The following AMPH variants were observed in gnomAD, a reference collection of about 807,000 sequenced individuals.
AMPH encodes amphiphysin.
In AMPH, 49 loss-of-function variants were observed where a neutral mutation model predicts 99.1. That is an observed-to-expected ratio of 0.49 (90% CI 0.39 to 0.63). The LOEUF is 0.63. Ranked by LOEUF, AMPH falls within the 20% of genes least tolerant of loss-of-function variation. The pLI is 0.00. For missense variants in AMPH, 759 were observed against 863.4 expected (o/e 0.88, Z 1.52); for synonymous variants, 314 against 317.3 (o/e 0.99, Z 0.11).
intron 5 of AMPH, among the ~76,000 whole-genome samples, chr7:38,489,955 C>A: frequency 6.6e-6 from 1 of 151,738 alleles, no homozygotes; most frequent in African/African-American, 2.4e-5. Context: ...ATGTTCTTAC[C>A]GCAATAAAGT....
intron 1 of AMPH, among the ~76,000 whole-genome samples, chr7:38,584,605 C>T (rs1017459299): frequency 5.3e-5 from 8 of 152,206 alleles, no homozygotes; most frequent in Admixed American, 2.6e-4. Flanking sequence ...TGGTAGGTCA[C>T]TCTTGGCATA....
At chr7:38,566,142 C>A (rs774702980) in intron 1 of AMPH, among the ~76,000 whole-genome samples, 4 of 151,876 alleles carry the variant, frequency 2.6e-5, no homozygotes, top group African/African-American at 4.8e-5. Context: ...GTAGTATTTT[C>A]TACCTATTTA....
intron 1 of AMPH, among the ~76,000 whole-genome samples, chr7:38,620,099 T>C (rs1002924497): frequency 6.6e-6 from 1 of 151,996 alleles, no homozygotes; most frequent in Non-Finnish European, 1.5e-5. Flanking sequence ...TTGTCTGCTA[T>C]GAAAGATTCT....
chr7:38,497,524 T>C (rs1333309636), intron 3 of AMPH, among the ~76,000 whole-genome samples: 4 of 152,232 alleles, frequency 2.6e-5, no homozygotes, highest in Non-Finnish European at 4.4e-5. Flanking sequence ...TTTTCATCCT[T>C]TAAGACTTGT....
chr7:38,418,045 T>A, intron 16 of AMPH, 95 bp from the exon 17 acceptor site: 1 of 1,390,248 alleles, frequency 7.2e-7, no homozygotes, highest in Non-Finnish European at 9.7e-7. Context: ...TTCTTTGTCA[T>A]CCCATAGGCA....
intron 2 of AMPH, among the ~76,000 whole-genome samples, chr7:38,523,374 G>A (rs1049304066): frequency 6.6e-6 from 1 of 152,094 alleles, no homozygotes; most frequent in Non-Finnish European, 1.5e-5. Context: ...AAAGAAACCA[G>A]GATTTCTTGG....
chr7:38,486,540 T>A (rs981080269), intron 5 of AMPH, among the ~76,000 whole-genome samples: 4 of 152,056 alleles, frequency 2.6e-5, no homozygotes, highest in African/African-American at 9.7e-5. Context: ...CTTCTCAAGC[T>A]CTTCCAAAAA....
intron 1 of AMPH, among the ~76,000 whole-genome samples, chr7:38,612,747 C>T (rs1355866808): frequency 6.6e-6 from 1 of 152,146 alleles, no homozygotes; most frequent in African/African-American, 2.4e-5. Flanking sequence ...AGTTCTGGGA[C>T]ACCTCTTTAG....
intron 1 of AMPH, among the ~76,000 whole-genome samples, chr7:38,543,254 C>G (rs1381819033): frequency 6.6e-6 from 1 of 151,904 alleles, no homozygotes; most frequent in Non-Finnish European, 1.5e-5. Context: ...AAGACCCTAT[C>G]TCAAAAAAAT....
In AMPH at chr7:38,421,030, C is replaced by A. The variant is rs1487627099; in HGVS notation, c.1272+1391G>T. 2.8e-5 allele frequency: 13 copies of A among 456,660 alleles called. No individual in the cohort carries two copies. In the East Asian group the frequency reaches 9.0e-4, roughly 32 times the overall value. 28.3% of individuals were successfully genotyped at this position (456,660 alleles called of 1,614,324 possible). A position where few individuals can be genotyped will look rare whatever the true frequency, so the allele number is the denominator to read the frequency against. ...CACTGTGATTTCCTAGATCAGAGGG[C>A]AGGACCAAGGTTAGCAGCATTTGCA... On this transcript the variant is annotated intron_variant, in intron 16 of 20. Transcript: ENST00000356264.
At chr7:38,629,892 A>C (rs1794396469) in intron 1 of AMPH, among the ~76,000 whole-genome samples, 1 of 152,204 alleles carries the variant, frequency 6.6e-6, no homozygotes, top group Non-Finnish European at 1.5e-5. Context: ...ACTTTAGTTC[A>C]GGATGAGCTT....
At chr7:38,622,633 A>G (rs1390708699) in intron 1 of AMPH, among the ~76,000 whole-genome samples, 1 of 152,204 alleles carries the variant, frequency 6.6e-6, no homozygotes, top group African/African-American at 2.4e-5. Context: ...AAAGTGGAAG[A>G]GTAGAGTGGA....
At chr7:38,472,802 T>C (rs1347586074) in intron 7 of AMPH, among the ~76,000 whole-genome samples, 1 of 152,226 alleles carries the variant, frequency 6.6e-6, no homozygotes, top group Non-Finnish European at 1.5e-5. Context: ...GAAACATTTA[T>C]ACTGCGTATG....
At chr7:38,419,912 G>A (rs1785522926) in intron 16 of AMPH, among the ~76,000 whole-genome samples, 1 of 152,168 alleles carries the variant, frequency 6.6e-6, no homozygotes. Context: ...TTGCACCAGA[G>A]TCTGGGTTTC....
intron 7 of AMPH, among the ~76,000 whole-genome samples, chr7:38,472,242 A>T (rs1353828721): frequency 2.0e-5 from 3 of 152,176 alleles, no homozygotes; most frequent in African/African-American, 7.2e-5. Context: ...GGCAAAGAAG[A>T]TACAAAATAC....
intron 1 of AMPH, among the ~76,000 whole-genome samples, chr7:38,627,545 C>T (rs1794298989): frequency 6.6e-6 from 1 of 151,090 alleles, no homozygotes; most frequent in South Asian, 2.1e-4. Context: ...GTCCCAGCTA[C>T]TGGGCAGGCT....
chr7:38,433,226 G>T (rs1584084389), intron 12 of AMPH, among the ~76,000 whole-genome samples: 1 of 152,168 alleles, frequency 6.6e-6, no homozygotes, highest in South Asian at 2.1e-4. Flanking sequence ...CACCCACCTG[G>T]TTGGGTCCCA....
intron 11 of AMPH, among the ~76,000 whole-genome samples, chr7:38,443,224 T>C (rs890118595): frequency 6.6e-6 from 1 of 151,938 alleles, no homozygotes; most frequent in African/African-American, 2.4e-5. Context: ...TATAGAAATA[T>C]ATCAAAACAA....
intron 2 of AMPH, among the ~76,000 whole-genome samples, chr7:38,520,724 A>G (rs1789924756): frequency 6.6e-6 from 1 of 152,216 alleles, no homozygotes; most frequent in South Asian, 2.1e-4. Flanking sequence ...CTTAAAGAAG[A>G]TGGGACTTGA....
Sources: allele counts gnomAD v4.1 joint callset (sites outside exome capture counted in the v4.1 genomes callset), GRCh38; gene constraint gnomAD v4.1.1; transcripts MANE v1.5; gene names NCBI Gene and HGNC (gene_info 2026-07-23, HGNC 2026-07-21).